The following CSMD2 variants were observed in gnomAD, a reference collection of about 807,000 sequenced individuals.
CSMD2 encodes CUB and sushi domain-containing protein 2.
CSMD2 carries 130 observed loss-of-function variants against 398.5 expected under a neutral mutation model. That is an observed-to-expected ratio of 0.33 (90% CI 0.28 to 0.38). The LOEUF (loss-of-function observed/expected upper bound fraction) is 0.38. Ranked by LOEUF, CSMD2 falls within the 10% of genes least tolerant of loss-of-function variation. The pLI is 1.00. For missense variants in CSMD2, 3,829 were observed against 4,764.9 expected (o/e 0.80, Z 5.78); for synonymous variants, 1,828 against 1,908.5 (o/e 0.96, Z 1.10).
At chr1:33,570,228 C>A (rs1659470749) in intron 51 of CSMD2, among the ~76,000 whole-genome samples, 2 of 146,468 alleles carry the variant, frequency 1.4e-5, no homozygotes. Flanking sequence ...AGTGCAGTGG[C>A]ACAGTCTTGG....
At chr1:34,068,297 T>C (rs1188742045) in intron 2 of CSMD2, among the ~76,000 whole-genome samples, 2 of 152,236 alleles carry the variant, frequency 1.3e-5, no homozygotes, top group Non-Finnish European at 2.9e-5. Context: ...TGTCCCTCTT[T>C]GGGTATGGGT....
At chr1:33,783,438 TCTCTCTC>T (rs1437378651) in intron 12 of CSMD2, among the ~76,000 whole-genome samples, 1 of 28,752 alleles carries the variant, frequency 3.5e-5, no homozygotes, top group Non-Finnish European at 1.2e-4. Flanking sequence ...TCATTCTCTC[TCTCTCTC>T]TCTCTCTCTC....
intron 3 of CSMD2, among the ~76,000 whole-genome samples, chr1:33,950,360 G>A (rs1264244769): frequency 6.8e-6 from 1 of 147,206 alleles, no homozygotes; most frequent in Non-Finnish European, 1.5e-5. Flanking sequence ...CAGCAACAAT[G>A]GCTCTCCTTA....
At chr1:33,655,455 T>G (rs914474964) in intron 27 of CSMD2, among the ~76,000 whole-genome samples, 1 of 152,250 alleles carries the variant, frequency 6.6e-6, no homozygotes, top group African/African-American at 2.4e-5. Flanking sequence ...TACTACCATT[T>G]TCACTATTTT....
At chr1:33,913,663 T>C (rs1375011261) in intron 5 of CSMD2, among the ~76,000 whole-genome samples, 1 of 152,192 alleles carries the variant, frequency 6.6e-6, no homozygotes, top group Admixed American at 6.5e-5. Flanking sequence ...TGGCTGGTTT[T>C]GAGCCCAAGT....
chr1:33,592,672 G>A (rs189318469), intron 44 of CSMD2, among the ~76,000 whole-genome samples: 44 of 152,178 alleles, frequency 2.9e-4, no homozygotes, highest in Admixed American at 2.4e-3. Context: ...CATGACGGCC[G>A]GGCGCGGTGG....
At chr1:33,744,251 G>C (rs778181283) in intron 13 of CSMD2, among the ~76,000 whole-genome samples, 1 of 152,168 alleles carries the variant, frequency 6.6e-6, no homozygotes, top group Non-Finnish European at 1.5e-5. Context: ...TTCCCCAGGC[G>C]GTAACCGGGT....
chr1:34,008,330 C>T (rs888677543), intron 3 of CSMD2, among the ~76,000 whole-genome samples: 10 of 152,158 alleles, frequency 6.6e-5, no homozygotes, highest in Admixed American at 6.5e-5. Context: ...TTCATCTTGT[C>T]CCCCTAGTGA....
At chr1:33,679,986 T>C (rs1644851119) in intron 25 of CSMD2, among the ~76,000 whole-genome samples, 1 of 151,358 alleles carries the variant, frequency 6.6e-6, no homozygotes, top group South Asian at 2.1e-4. Context: ...AGTGGCACAA[T>C]CTCAGCTCAC....
rs886217092 is a variant in CSMD2, at chr1:33,788,521, A to AG, written c.1663+78_1663+79insC. On this transcript the variant is annotated intron_variant, in intron 12 of 70. Transcript: ENST00000373381. ...AGACTCCGTCTCAAAAAAAAAAAAA[A>AG]AAAAAATTCTGACTGCAAATCCAGA... 4 of 837,642 alleles carry AG rather than the reference A, an allele frequency of 4.8e-6. No homozygotes were observed. The African/African-American group carries it at 5.2e-5, about 11-fold the overall frequency. The allele number at this position is 837,642 out of a possible 1,614,324, so 51.9% of individuals were successfully genotyped here.
chr1:34,131,353 G>A (rs1044666870), intron 1 of CSMD2, among the ~76,000 whole-genome samples: 8 of 152,090 alleles, frequency 5.3e-5, no homozygotes, highest in Non-Finnish European at 8.8e-5. Context: ...GGAGAGGGGG[G>A]GGTCTTAATT....
chr1:34,137,267 G>C (rs1638848201), intron 1 of CSMD2, among the ~76,000 whole-genome samples: 1 of 150,172 alleles, frequency 6.7e-6, no homozygotes, highest in South Asian at 2.2e-4. Context: ...CAAAGAGACT[G>C]CGGCAAGCAA....
At chr1:33,611,363 C>A in intron 40 of CSMD2, 113 bp from the exon 41 acceptor site, 1 of 907,756 alleles carries the variant, frequency 1.1e-6, no homozygotes, top group East Asian at 2.5e-5. Flanking sequence ...ACTGATTTCC[C>A]ACCCAGCCAA....
chr1:33,867,810 C>G (rs1640148594), intron 5 of CSMD2, among the ~76,000 whole-genome samples: 1 of 152,100 alleles, frequency 6.6e-6, no homozygotes, highest in Non-Finnish European at 1.5e-5. Flanking sequence ...AATGTGGGCT[C>G]TTGGTGGGCA....
intron 53 of CSMD2, among the ~76,000 whole-genome samples, chr1:33,567,153 T>A (rs1003946625): frequency 5.9e-5 from 9 of 151,866 alleles, no homozygotes; most frequent in Admixed American, 3.9e-4. Flanking sequence ...AAATTTTCTA[T>A]GTAAAAGGGG....
Position 33,635,444 on chromosome 1 carries a change from G to T in CSMD2, c.4970-114C>A, listed in dbSNP as rs1642739308. The T allele has an allele frequency of 1.6e-6, 1 of 636,014 alleles. No homozygotes were observed. The highest frequency in any genetic ancestry group is 2.8e-6 in the Non-Finnish European group (1 of 362,314). The allele number at this position is 636,014 out of a possible 1,614,324, so 39.4% of individuals were successfully genotyped here. ...GCCCCAGTAGGGCTGCCCTGAGGTGGGCAGGCCCTAGCTTGGAGAAGGCAA... is the reference window on the plus strand; with the variant it reads ...GCCCCAGTAGGGCTGCCCTGAGGTGTGCAGGCCCTAGCTTGGAGAAGGCAA... On this transcript the variant is annotated intron_variant, in intron 30 of 70. Transcript: ENST00000373381. This position sits in a 1 kb window ranked among gnomAD's most constrained non-coding sequence, Gnocchi z 5.0.
At chr1:34,092,369 A>G (rs1175335152) in intron 1 of CSMD2, among the ~76,000 whole-genome samples, 1 of 152,196 alleles carries the variant, frequency 6.6e-6, no homozygotes, top group African/African-American at 2.4e-5. Context: ...ATGATACCTA[A>G]GTTTAACTGG....
At chr1:33,596,236 T>C (rs1639826270) in intron 44 of CSMD2, among the ~76,000 whole-genome samples, 1 of 152,060 alleles carries the variant, frequency 6.6e-6, no homozygotes, top group African/African-American at 2.4e-5. Context: ...ACCTTCTCTG[T>C]GTGGCTGTCC....
At chr1:33,927,127 G>C (rs752359819) in intron 4 of CSMD2, among the ~76,000 whole-genome samples, 2 of 152,162 alleles carry the variant, frequency 1.3e-5, no homozygotes, top group Non-Finnish European at 2.9e-5. Flanking sequence ...CACCAGGGCA[G>C]GAGTGCCCCA....
Sources: allele counts gnomAD v4.1 joint callset (sites outside exome capture counted in the v4.1 genomes callset), GRCh38; gene constraint gnomAD v4.1.1; non-coding constraint Gnocchi (gnomAD v3.1); transcripts MANE v1.5; gene names NCBI Gene and HGNC (gene_info 2026-07-23, HGNC 2026-07-21).